The following KIF6 variants were observed in gnomAD, a reference collection of about 807,000 sequenced individuals.
The protein encoded by KIF6 is kinesin family member 6.
A neutral mutation model predicts 112.7 loss-of-function variants in KIF6; 106 were observed. The observed-to-expected ratio is 0.94, with a 90% CI of 0.80 to 1.11. KIF6 has a LOEUF of 1.11. Among genes scored for constraint, KIF6 ranks in the 50% least tolerant of loss-of-function variants. The pLI is 0.00. For synonymous variants in KIF6, 339 were observed against 339.9 expected (o/e 1.00, Z 0.03); for missense variants, 929 against 964.0 (o/e 0.96, Z 0.48).
At chr6:39,715,429 T>C (rs1275901275) in intron 2 of KIF6, among the ~76,000 whole-genome samples, 4 of 151,914 alleles carry the variant, frequency 2.6e-5, no homozygotes, top group African/African-American at 9.7e-5. Context: ...TCACTCTTCT[T>C]GCAATGCTTC....
chr6:39,501,209 T>C lies in KIF6; in HGVS notation c.1645+38794A>G, dbSNP rs116666139. ...ATGGGAAGAACTGAGGCAACCAGGGTCTAGAGCAGACTCCCAGCAAACCAC... is the reference window on the plus strand; with the variant it reads ...ATGGGAAGAACTGAGGCAACCAGGGCCTAGAGCAGACTCCCAGCAAACCAC... On this transcript the variant is annotated intron_variant, in intron 13 of 22. Coordinates refer to ENST00000287152, the MANE Select transcript of KIF6 (RefSeq NM_145027.6). 4.9e-3 allele frequency among the ~76,000 whole-genome samples: 743 copies of C among 151,936 alleles called. 6 individuals carry two copies. Among genetic ancestry groups the C allele is most frequent in the African/African-American group, 0.017 (692 of 41,424 alleles).
At chr6:39,464,564 T>A (rs1450932197) in intron 13 of KIF6, among the ~76,000 whole-genome samples, 3 of 152,126 alleles carry the variant, frequency 2.0e-5, no homozygotes, top group Non-Finnish European at 1.5e-5. Context: ...TGTTTAAAAG[T>A]GGAATCTGGA....
At chr6:39,495,994 G>T (rs1487117526) in intron 13 of KIF6, among the ~76,000 whole-genome samples, 2 of 152,236 alleles carry the variant, frequency 1.3e-5, no homozygotes, top group Non-Finnish European at 2.9e-5. Context: ...ATCTCAGGCT[G>T]CTGTGGTCTG....
At position 39,431,189 on chromosome 6, in the gene KIF6, C is replaced by T. The variant is rs768156900; in HGVS notation, c.1646-28G>A. On this transcript the variant is annotated intron_variant, in intron 13 of 22. Coordinates refer to ENST00000287152, the MANE Select transcript of KIF6 (RefSeq NM_145027.6). ...GTTTGGAGACACAGGGAAATGGCCT[C>T]AGTCACAGCATCAGGATCCTATTAA... 23 of 1,275,876 alleles carry T rather than the reference C, an allele frequency of 1.8e-5. No homozygotes were observed. The South Asian group carries it at 2.8e-4, about 15-fold the overall frequency. The allele number at this position is 1,275,876 out of a possible 1,614,324, so 79.0% of individuals were successfully genotyped here.
chr6:39,346,038 G>A (rs1250054167), intron 20 of KIF6, among the ~76,000 whole-genome samples: 1 of 114,722 alleles, frequency 8.7e-6, no homozygotes, highest in Admixed American at 1.0e-4. Flanking sequence ...AGGAGGATGA[G>A]AAACTACAGT....
intron 15 of KIF6, among the ~76,000 whole-genome samples, chr6:39,400,233 C>T (rs1347307241): frequency 1.3e-5 from 2 of 152,130 alleles, no homozygotes; most frequent in African/African-American, 2.4e-5. Context: ...TGCTGTCACC[C>T]CTCCAGGAAC....
chr6:39,370,193 A>C (rs1263881647), intron 16 of KIF6, among the ~76,000 whole-genome samples: 1 of 152,146 alleles, frequency 6.6e-6, no homozygotes, highest in Non-Finnish European at 1.5e-5. Context: ...CATTAGTAGG[A>C]AACTTGGCAT....
intron 10 of KIF6, among the ~76,000 whole-genome samples, chr6:39,572,068 T>C (rs979263083): frequency 1.3e-5 from 2 of 152,194 alleles, no homozygotes; most frequent in African/African-American, 4.8e-5. Context: ...TAACCATATG[T>C]AATAAACTGC....
intron 13 of KIF6, among the ~76,000 whole-genome samples, chr6:39,484,053 G>A (rs1050193328): frequency 1.3e-5 from 2 of 152,126 alleles, no homozygotes; most frequent in African/African-American, 2.4e-5. Flanking sequence ...TGAAGACAAA[G>A]CAGTGCTGTG....
intron 13 of KIF6, among the ~76,000 whole-genome samples, chr6:39,433,608 G>A (rs939059641): frequency 6.6e-6 from 1 of 152,204 alleles, no homozygotes; most frequent in Non-Finnish European, 1.5e-5. Flanking sequence ...TTTGATTGTG[G>A]TGACCACAGG....
chr6:39,391,698 A>G (rs898546830), intron 15 of KIF6, among the ~76,000 whole-genome samples: 2 of 152,240 alleles, frequency 1.3e-5, no homozygotes, highest in Non-Finnish European at 1.5e-5. Flanking sequence ...ATATATGAAT[A>G]AATCTCATGC....
At chr6:39,551,101 A>G (rs774953629) in intron 10 of KIF6, among the ~76,000 whole-genome samples, 26 of 152,234 alleles carry the variant, frequency 1.7e-4, no homozygotes, top group Non-Finnish European at 3.7e-4. Flanking sequence ...TCTTTTGGAT[A>G]TATACCCAGT....
chr6:39,712,725 TCTCA>T (rs1044164734), intron 3 of KIF6, among the ~76,000 whole-genome samples: 2 of 152,034 alleles, frequency 1.3e-5, no homozygotes, highest in Non-Finnish European at 2.9e-5. Context: ...CACCGCATGT[TCTCA>T]CTCATAGGTG....
chr6:39,632,761 A>T (rs1222204895), intron 5 of KIF6, among the ~76,000 whole-genome samples: 2 of 151,974 alleles, frequency 1.3e-5, no homozygotes, highest in Non-Finnish European at 2.9e-5. Context: ...AGTAGCTAGG[A>T]CTACAGAAGC....
At position 39,331,634 on chromosome 6, in the gene KIF6, C is replaced by T. The variant is rs1401774644; in HGVS notation, c.*4898G>A. 6.6e-6 allele frequency: 1 copy of T among 152,214 alleles called. No individual in the cohort carries two copies. The highest frequency in any genetic ancestry group is 1.5e-5 in the Non-Finnish European group (1 of 68,058). 9.4% of individuals were successfully genotyped at this position (152,214 alleles called of 1,614,324 possible). ...TCCTGACCTCGTGATCCGCCAGCCT[C>T]AGTCTCCCAAAGTGTTGGGATTACA... On this transcript the variant is annotated 3_prime_UTR_variant, in exon 23 of 23. Coordinates refer to ENST00000287152, the MANE Select transcript of KIF6 (RefSeq NM_145027.6).
intron 13 of KIF6, among the ~76,000 whole-genome samples, chr6:39,502,887 T>C (rs1416173398): frequency 6.6e-6 from 1 of 152,136 alleles, no homozygotes; most frequent in Middle Eastern, 3.4e-3. Context: ...CTTCACACAA[T>C]AGTAGGGGGA....
In KIF6 at chr6:39,639,551, T is replaced by C. The variant is rs370304939; in HGVS notation, c.399+59A>G. 9.7e-5 allele frequency: 128 copies of C among 1,315,864 alleles called. 4 individuals are homozygous for C. In the East Asian group the frequency reaches 2.1e-3, roughly 22 times the overall value. 81.5% of individuals were successfully genotyped at this position (1,315,864 alleles called of 1,614,324 possible). ...ACATGTCATAATAAATTTCCTGCTT[T>C]CAGTATATTTTTGCTGAATATATCA... On this transcript the variant is annotated intron_variant, in intron 4 of 22. Coordinates refer to ENST00000287152, the MANE Select transcript of KIF6 (RefSeq NM_145027.6).
Position 39,563,129 on chromosome 6 carries a change from T to A in KIF6, c.1181+14927A>T, listed in dbSNP as rs1042934508. The stretch of plus-strand genomic sequence containing the variant: ...AGGGGTGCGCACCTGTAGTCCCAGA[T>A]ACTAGGAAGGCTGAGGCAGAAGAAT... On this transcript the variant is annotated intron_variant, in intron 10 of 22. Coordinates refer to ENST00000287152, the MANE Select transcript of KIF6 (RefSeq NM_145027.6). Among the ~76,000 whole-genome samples, 13 of 152,168 alleles carry A rather than the reference T, an allele frequency of 8.5e-5. No homozygotes were observed. In the East Asian group the frequency reaches 2.5e-3, roughly 29 times the overall value.
At chr6:39,663,693 G>A (rs1024200404) in intron 3 of KIF6, among the ~76,000 whole-genome samples, 5 of 151,958 alleles carry the variant, frequency 3.3e-5, no homozygotes, top group Non-Finnish European at 4.4e-5. Context: ...TGAGCAGGGA[G>A]GAAAGGAATT....
Sources: allele counts gnomAD v4.1 joint callset (sites outside exome capture counted in the v4.1 genomes callset), GRCh38; gene constraint gnomAD v4.1.1; transcripts MANE v1.5; gene names NCBI Gene and HGNC (gene_info 2026-07-23, HGNC 2026-07-21).